The following EXOC6B variants were observed in gnomAD, a reference collection of about 807,000 sequenced individuals.
EXOC6B encodes the protein exocyst complex component 6B.
A neutral mutation model predicts 113.5 loss-of-function variants in EXOC6B; 54 were observed. The observed-to-expected ratio is 0.48, with a 90% CI of 0.38 to 0.60. EXOC6B has a LOEUF of 0.60. Ranked by LOEUF, EXOC6B falls within the 20% of genes least tolerant of loss-of-function variation. The pLI, the probability that EXOC6B is intolerant of heterozygous loss-of-function variation, is 0.00. For missense variants in EXOC6B, 797 were observed against 977.5 expected (o/e 0.82, Z 2.46); for synonymous variants, 357 against 339.0 (o/e 1.05, Z -0.58).
intron 1 of EXOC6B, among the ~76,000 whole-genome samples, chr2:72,790,905 G>A (rs1473126257): frequency 1.3e-5 from 2 of 152,106 alleles, no homozygotes; most frequent in East Asian, 1.9e-4. Context: ...GAACTCAGAA[G>A]TAGAGAGTAG....
intron 20 of EXOC6B, among the ~76,000 whole-genome samples, chr2:72,316,239 G>A (rs781437948): frequency 6.6e-6 from 1 of 152,216 alleles, no homozygotes; most frequent in Non-Finnish European, 1.5e-5. Flanking sequence ...ATATGAGCAA[G>A]TATTTAGTCT....
intron 5 of EXOC6B, among the ~76,000 whole-genome samples, chr2:72,724,892 G>C (rs539704723): frequency 5.4e-4 from 82 of 152,196 alleles, no homozygotes; most frequent in African/African-American, 1.8e-3. Context: ...GAGGGCTGAG[G>C]GGGTGGGGAG....
At chr2:72,672,852 A>G (rs1409168227) in intron 6 of EXOC6B, among the ~76,000 whole-genome samples, 2 of 152,168 alleles carry the variant, frequency 1.3e-5, no homozygotes, top group African/African-American at 2.4e-5. Context: ...ACAAACATAC[A>G]CTTAGAGGAA....
At chr2:72,793,107 A>C (rs1327973856) in intron 1 of EXOC6B, among the ~76,000 whole-genome samples, 1 of 152,172 alleles carries the variant, frequency 6.6e-6, no homozygotes. Context: ...TGGACATCTG[A>C]ACTGTTTCCA....
intron 16 of EXOC6B, among the ~76,000 whole-genome samples, chr2:72,482,895 A>G (rs1273974367): frequency 6.6e-6 from 1 of 152,212 alleles, no homozygotes; most frequent in Non-Finnish European, 1.5e-5. Context: ...ACAGCGATAC[A>G]ATTCGAATAA....
chr2:72,633,631 T>G (rs1174631673), intron 6 of EXOC6B, among the ~76,000 whole-genome samples: 1 of 152,196 alleles, frequency 6.6e-6, no homozygotes, highest in Non-Finnish European at 1.5e-5. Flanking sequence ...TAGGTTTATC[T>G]AAACATTAAA....
chr2:72,509,580 T>A (rs1015195885), intron 11 of EXOC6B, among the ~76,000 whole-genome samples: 1 of 152,110 alleles, frequency 6.6e-6, no homozygotes, highest in South Asian at 2.1e-4. Flanking sequence ...CTCAAAAACG[T>A]TAAAACTTTT....
intron 20 of EXOC6B, among the ~76,000 whole-genome samples, chr2:72,216,560 C>T (rs1680544637): frequency 1.3e-5 from 2 of 152,048 alleles, no homozygotes; most frequent in South Asian, 4.1e-4. Flanking sequence ...GAGTATATAC[C>T]CAAAGCAATA....
chr2:72,575,399 A>C, intron 7 of EXOC6B, 93 bp downstream of exon 7: 1 of 1,177,052 alleles, frequency 8.5e-7, no homozygotes, highest in East Asian at 2.8e-5. Flanking sequence ...AGATCACACA[A>C]ACTACATTAT....
chr2:72,646,845 T>C lies in EXOC6B; in HGVS notation c.670-71177A>G, dbSNP rs574884234. ...TATGACAAACCCACAGCCAATATCA[T>C]ACTGAATGGGCAAAAACTGGAAGCA... On this transcript the variant is annotated intron_variant, in intron 6 of 21. Transcript: ENST00000272427. 3.9e-4 allele frequency among the ~76,000 whole-genome samples: 59 copies of C among 152,292 alleles called. 1 individual carries two copies. The highest frequency in any genetic ancestry group is 1.3e-3 in the African/African-American group (55 of 41,564).
At chr2:72,565,006 A>C (rs536490638) in intron 7 of EXOC6B, among the ~76,000 whole-genome samples, 1 of 152,262 alleles carries the variant, frequency 6.6e-6, no homozygotes, top group African/African-American at 2.4e-5. Flanking sequence ...CACTGCAAAA[A>C]ACCTGTGCCC....
intron 1 of EXOC6B, among the ~76,000 whole-genome samples, chr2:72,780,340 A>G (rs1187885805): frequency 5.3e-5 from 8 of 152,224 alleles, no homozygotes; most frequent in Admixed American, 5.2e-4. Flanking sequence ...TCCTCTCAGC[A>G]GAGCAAAACA....
intron 11 of EXOC6B, among the ~76,000 whole-genome samples, chr2:72,508,209 G>T (rs1700713725): frequency 7.2e-6 from 1 of 138,844 alleles, no homozygotes; most frequent in African/African-American, 3.0e-5. Context: ...TACTTTGATG[G>T]GAAGTATTAT....
rs543975749 is a variant in EXOC6B, at chr2:72,620,015, G to A, written c.670-44347C>T. The stretch of plus-strand genomic sequence containing the variant: ...AGAACAGAGAAAGGACGGCTTCCCC[G>A]CAGGACTGGGGTGCATCCATTCTGC... On this transcript the variant is annotated intron_variant, in intron 6 of 21. Transcript: ENST00000272427. 6.6e-5 allele frequency among the ~76,000 whole-genome samples: 10 copies of A among 152,320 alleles called. No homozygotes were observed. The South Asian group carries it at 1.0e-3, about 16-fold the overall frequency.
intron 18 of EXOC6B, among the ~76,000 whole-genome samples, chr2:72,427,400 C>T (rs760273647): frequency 1.3e-5 from 2 of 152,192 alleles, no homozygotes; most frequent in Non-Finnish European, 2.9e-5. Flanking sequence ...CCTCCACTGC[C>T]CCCGCAGCCT....
At chr2:72,207,652 G>GTGTAACGAT (rs1679916393) in intron 20 of EXOC6B, among the ~76,000 whole-genome samples, 1 of 152,178 alleles carries the variant, frequency 6.6e-6, no homozygotes, top group Non-Finnish European at 1.5e-5. Flanking sequence ...TTCCAGAATA[G>GTGTAACGAT]TGTAACGATT....
intron 6 of EXOC6B, among the ~76,000 whole-genome samples, chr2:72,595,001 G>C (rs1316290598): frequency 6.6e-6 from 1 of 152,106 alleles, no homozygotes; most frequent in African/African-American, 2.4e-5. Context: ...GCTCATGCCT[G>C]TAATCCCAGC....
intron 20 of EXOC6B, among the ~76,000 whole-genome samples, chr2:72,220,152 G>A (rs1291621642): frequency 1.3e-5 from 2 of 152,160 alleles, no homozygotes; most frequent in Admixed American, 1.3e-4. Flanking sequence ...GCTCCACTAG[G>A]TATCCATAGA....
At chr2:72,683,261 G>A (rs1253892178) in intron 6 of EXOC6B, among the ~76,000 whole-genome samples, 2 of 151,870 alleles carry the variant, frequency 1.3e-5, no homozygotes, top group African/African-American at 2.4e-5. Flanking sequence ...AACCCTGCCC[G>A]CTCAGAGCTT....
Sources: gnomAD v4.1 joint callset for allele counts (sites outside exome capture counted in the v4.1 genomes callset) on GRCh38, gnomAD v4.1.1 for gene constraint, MANE v1.5 for transcripts, NCBI Gene and HGNC (gene_info 2026-07-23, HGNC 2026-07-21) for gene names.